Variants in POLE2 observed in about 807,000 individuals in gnomAD.
POLE2 encodes the protein DNA polymerase epsilon subunit 2.
A neutral mutation model predicts 79.4 loss-of-function variants in POLE2; 56 were observed. The ratio of observed to expected loss-of-function variants is 0.71; its 90% CI spans 0.57 to 0.88. POLE2 has a LOEUF of 0.88. POLE2 is among the 40% of genes least tolerant of loss of function. POLE2 has a pLI of 0.00. For missense variants in POLE2, 598 were observed against 638.9 expected (o/e 0.94, Z 0.69); for synonymous variants, 212 against 214.0 (o/e 0.99, Z 0.08).
intron 10 of POLE2, among the ~76,000 whole-genome samples, chr14:49,659,156 C>T (rs999804886): frequency 6.6e-6 from 1 of 152,074 alleles, no homozygotes; most frequent in African/African-American, 2.4e-5. Context: ...GTGGCTCATG[C>T]CTGTAATCAC....
chr14:49,660,900 T>A (rs772669449), intron 10 of POLE2, among the ~76,000 whole-genome samples: 1 of 152,074 alleles, frequency 6.6e-6, no homozygotes, highest in Non-Finnish European at 1.5e-5. Context: ...TTAAAAAAAG[T>A]TTGTGACCAT....
chr14:49,647,341 CCA>C lies in POLE2; in HGVS notation c.1515_1516del (p.Ser505ArgfsTer11). 1 of 1,571,316 alleles carries C rather than the reference CCA, an allele frequency of 6.4e-7. No homozygotes were observed. The highest frequency in any genetic ancestry group is 2.3e-5 in the East Asian group (1 of 42,666). On this transcript the variant is annotated frameshift_variant, in exon 18 of 19. Coordinates refer to ENST00000216367, the MANE Select transcript of POLE2 (RefSeq NM_002692.4). LOFTEE classifies it high-confidence loss of function. ...AGGATAAAAAACTTTGAATGAAAAT[CCA>C]CTTCTTGGAAAAGAGCCCTTTGGGG...
At chr14:49,652,311 A>AAAAAAAAAAAAAG (rs1566531691) in intron 15 of POLE2, among the ~76,000 whole-genome samples, 1 of 140,788 alleles carries the variant, frequency 7.1e-6, no homozygotes, top group East Asian at 2.6e-4. Flanking sequence ...AAAAAAAAAA[A>AAAAAAAAAAAAAG]GAATAGAATA....
In POLE2 at chr14:49,664,903, G is replaced by A. The variant is rs142705143; in HGVS notation, c.633+204C>T. ...TCATTCTTACCATGATATAAATTTCGTCAGTGATTCATCTAGATTCTCCAA... is the reference window on the plus strand; with the variant it reads ...TCATTCTTACCATGATATAAATTTCATCAGTGATTCATCTAGATTCTCCAA... On this transcript the variant is annotated intron_variant, in intron 8 of 18. Transcript: ENST00000216367. Among the ~76,000 whole-genome samples, 361 of 152,224 alleles carry A rather than the reference G, an allele frequency of 2.4e-3. 2 individuals carry two copies. Among genetic ancestry groups the A allele is most frequent in the African/African-American group, 8.2e-3 (342 of 41,520 alleles).
chr14:49,655,791 T>G lies in POLE2; in HGVS notation c.808A>C (p.Lys270Gln). The G allele has an allele frequency of 6.3e-7, 1 of 1,599,436 alleles. No homozygotes were observed. The highest frequency in any genetic ancestry group is 8.6e-7 in the Non-Finnish European group (1 of 1,168,508). ...FFGGPSNTSV[K>Q]TSAKLKQLEE... ...AGCTGTTTTAGTTTTGCAGAAGTCT[T>G]CACAGATGTATTAGAAGGACCTCCA... The change falls in exon 11 of 19, where the codon AAG becomes CAG. Residue 270 changes from lysine (K) to glutamine (Q), a missense_variant. Lys to Gln is a moderately conservative substitution (Grantham distance 53). Transcript: ENST00000216367.
intron 3 of POLE2, chr14:49,677,800 G>A (rs1886394120): frequency 3.0e-6 from 2 of 670,140 alleles, no homozygotes; most frequent in Non-Finnish European, 4.6e-6. Flanking sequence ...TGATGACTGT[G>A]GACCTGCAGC....
chr14:49,680,534 G>A (rs1886628083), intron 2 of POLE2, among the ~76,000 whole-genome samples: 1 of 152,066 alleles, frequency 6.6e-6, no homozygotes, highest in African/African-American at 2.4e-5. Context: ...TATTCCACTG[G>A]GTAGATGTCC....
At position 49,650,379 on chromosome 14, in the gene POLE2, C is replaced by T; in HGVS notation, c.1383G>A (p.Val461=). The T allele has an allele frequency of 6.3e-7, 1 of 1,588,816 alleles. No individual in the cohort carries two copies. The part of the protein sequence containing the change: ...LTPLPLYVCP[V]YWAYDYALRV... ...TCAAAGCATAGTCATATGCCCAATA[C>T]ACTGGGCAGACATAAAGAGGTAGGG... The change falls in exon 17 of 19, where the codon GTG becomes GTA. Residue 461 remains valine (V), a synonymous_variant. Coordinates refer to ENST00000216367, the MANE Select transcript of POLE2 (RefSeq NM_002692.4).
intron 6 of POLE2, among the ~76,000 whole-genome samples, chr14:49,667,407 A>C (rs1192175728): frequency 6.6e-6 from 1 of 152,174 alleles, no homozygotes; most frequent in Non-Finnish European, 1.5e-5. Context: ...CTGTTTAAAG[A>C]ATAGAGATAT....
At chr14:49,660,193 G>A (rs1485388758) in intron 10 of POLE2, among the ~76,000 whole-genome samples, 2 of 152,122 alleles carry the variant, frequency 1.3e-5, no homozygotes, top group African/African-American at 2.4e-5. Context: ...ATACAGCAAC[G>A]TGTCACACAG....
intron 1 of POLE2, among the ~76,000 whole-genome samples, chr14:49,686,372 G>A (rs930260235): frequency 3.0e-4 from 45 of 152,316 alleles, no homozygotes; most frequent in African/African-American, 9.1e-4. Flanking sequence ...GGGCACACAT[G>A]GCAAGGGACT....
intron 13 of POLE2, 39 bp from the exon 14 acceptor site, chr14:49,654,253 T>C: frequency 7.3e-7 from 1 of 1,362,268 alleles, no homozygotes; most frequent in South Asian, 1.2e-5. Flanking sequence ...AAAAATATTA[T>C]TGTAACACTA....
chr14:49,658,133 A>G (rs1163710880), intron 10 of POLE2, among the ~76,000 whole-genome samples: 5 of 151,112 alleles, frequency 3.3e-5, no homozygotes, highest in Non-Finnish European at 5.9e-5. Context: ...CTGGAGTGCA[A>G]TGGCATGATC....
At chr14:49,659,649 T>C (rs1367284176) in intron 10 of POLE2, among the ~76,000 whole-genome samples, 1 of 152,218 alleles carries the variant, frequency 6.6e-6, no homozygotes, top group East Asian at 1.9e-4. Flanking sequence ...GGCACAATGA[T>C]AATTCACAGC....
intron 10 of POLE2, 50 bp from the exon 11 acceptor site, chr14:49,655,893 T>C (rs1884629286): frequency 1.0e-6 from 1 of 965,850 alleles, no homozygotes; most frequent in Admixed American, 2.4e-5. Context: ...GAGATATTTT[T>C]CTAATAGTTG....
chr14:49,664,736 T>A (rs1405965189), intron 8 of POLE2, 62 bp from the exon 9 acceptor site: 3 of 1,021,438 alleles, frequency 2.9e-6, no homozygotes, highest in African/African-American at 1.6e-5. Context: ...AACATACATT[T>A]TGAGTCCAAC....
At chr14:49,654,609 T>C in intron 13 of POLE2, 175 bp downstream of exon 13, 1 of 748,062 alleles carries the variant, frequency 1.3e-6, no homozygotes, top group Non-Finnish European at 1.9e-6. Flanking sequence ...TTCAATACTT[T>C]TCATTATAAA....
intron 10 of POLE2, 48 bp downstream of exon 10, chr14:49,663,267 G>T: frequency 1.1e-6 from 1 of 910,438 alleles, no homozygotes; most frequent in Non-Finnish European, 1.7e-6. Flanking sequence ...ATTCACTCCT[G>T]CCAGTATTAC....
intron 2 of POLE2, among the ~76,000 whole-genome samples, chr14:49,683,167 C>T (rs1020385770): frequency 1.3e-5 from 2 of 152,062 alleles, no homozygotes; most frequent in African/African-American, 2.4e-5. Flanking sequence ...TTTGGGAGGC[C>T]GAGGCAGGTG....
Sources: allele counts gnomAD v4.1 joint callset (sites outside exome capture counted in the v4.1 genomes callset), GRCh38; gene constraint gnomAD v4.1.1; transcripts MANE v1.5; gene names NCBI Gene and HGNC (gene_info 2026-07-23, HGNC 2026-07-21).